The following BRD8 variants were observed in gnomAD, a reference collection of about 807,000 sequenced individuals.
The protein encoded by BRD8 is bromodomain containing 8.
BRD8 carries 67 observed loss-of-function variants against 143.1 expected under a neutral mutation model. The observed-to-expected ratio is 0.47, with a 90% CI of 0.38 to 0.57. The LOEUF (loss-of-function observed/expected upper bound fraction) is 0.57. Ranked by LOEUF, BRD8 falls within the 20% of genes least tolerant of loss-of-function variation. The pLI is 0.00. For missense variants in BRD8, 1,103 were observed against 1,503.0 expected (o/e 0.73, Z 4.40); for synonymous variants, 505 against 517.1 (o/e 0.98, Z 0.32).
chr5:138,152,867 G>C (rs551000114), intron 20 of BRD8, 107 bp from the exon 21 acceptor site: 1 of 1,088,168 alleles, frequency 9.2e-7, no homozygotes, highest in African/African-American at 1.6e-5. Flanking sequence ...AAATTTATTT[G>C]TATTCAAGTA....
chr5:138,170,750 T>C lies in BRD8; in HGVS notation c.440+82A>G, dbSNP rs996530365. 3.5e-5 allele frequency: 45 copies of C among 1,280,954 alleles called. No individual in the cohort carries two copies. In the East Asian group the frequency reaches 6.0e-4, roughly 17 times the overall value. The allele number at this position is 1,280,954 out of a possible 1,614,324, so 79.3% of individuals were successfully genotyped here. ...TGTCTCAAGTCTAAAGGGACGGCAA[T>C]TGGAGGAAATAAGCCAGATTACTTG... On this transcript the variant is annotated intron_variant, in intron 6 of 26. Coordinates refer to ENST00000254900, the MANE Select transcript of BRD8 (RefSeq NM_139199.2).
chr5:138,171,665 C>T (rs1357024387), intron 3 of BRD8, among the ~76,000 whole-genome samples: 1 of 152,148 alleles, frequency 6.6e-6, no homozygotes, highest in East Asian at 1.9e-4. Flanking sequence ...ATATTTATAG[C>T]TAATATCTAC....
intron 3 of BRD8, 65 bp from the exon 4 acceptor site, chr5:138,171,475 A>G: frequency 9.5e-7 from 1 of 1,047,936 alleles, no homozygotes; most frequent in South Asian, 1.3e-5. Flanking sequence ...GACCTTTCAA[A>G]GTTTCAAGAG....
chr5:138,166,402 CAT>C (rs1446837396), intron 10 of BRD8, 114 bp downstream of exon 10: 2 of 667,746 alleles, frequency 3.0e-6, no homozygotes, highest in Admixed American at 2.9e-5. Flanking sequence ...AAAGATGGCA[CAT>C]GTCTATGTAG....
chr5:138,174,591 C>CA (rs76909663), intron 2 of BRD8, among the ~76,000 whole-genome samples: 17,550 of 114,500 alleles, frequency 0.15, 1,271 homozygotes, highest in South Asian at 0.24. Flanking sequence ...GACTCCATCT[C>CA]AAAAAAAAAA....
intron 22 of BRD8, 145 bp downstream of exon 22, chr5:138,150,600 G>A (rs1417669239): frequency 3.3e-6 from 3 of 911,838 alleles, no homozygotes; most frequent in Admixed American, 5.1e-5. Context: ...CATGCTAAAG[G>A]TAACACAGCT....
chr5:138,157,011 A>T (rs1752645909), intron 20 of BRD8: 2 of 1,431,012 alleles, frequency 1.4e-6, no homozygotes. Context: ...TAGGACATTA[A>T]CATAGCCCAT....
chr5:138,165,786 G>A, intron 11 of BRD8, 42 bp downstream of exon 11: 1 of 1,476,100 alleles, frequency 6.8e-7, no homozygotes, highest in Non-Finnish European at 9.3e-7. Context: ...AGAAGCCTAT[G>A]TAGGACCCAT....
In BRD8 at chr5:138,166,091, A is replaced by G. The variant is rs1274189689; in HGVS notation, c.1015T>C (p.Cys339Arg). Residue 339 changes from cysteine to arginine, a missense_variant, in exon 11 of 27, where the codon TGT (cysteine) becomes CGT (arginine). This residue lies in a region of BRD8 where 334 missense variants were observed against 372.5 expected (regional missense o/e 0.90). Transcript: ENST00000254900. ...TCCCCCACAGCCTCCATGGGAACACAGTTGTCGGGTTGACTCACTGAGTAA... is the reference window on the plus strand; with the variant it reads ...TCCCCCACAGCCTCCATGGGAACACGGTTGTCGGGTTGACTCACTGAGTAA... ...SVAPVSQPDN[C>R]VPMEAVGDPH... The G allele has an allele frequency of 1.2e-6, 2 of 1,612,870 alleles. No homozygotes were observed. The highest frequency in any genetic ancestry group is 1.3e-5 in the African/African-American group (1 of 74,938).
intron 10 of BRD8, 159 bp downstream of exon 10, chr5:138,166,359 C>A: frequency 1.6e-6 from 1 of 628,658 alleles, no homozygotes; most frequent in East Asian, 2.7e-5. Flanking sequence ...CCTCTTCTCA[C>A]ATCTATTTCT....
intron 7 of BRD8, 131 bp from the exon 8 acceptor site, chr5:138,169,489 T>C: frequency 9.2e-7 from 1 of 1,091,578 alleles, no homozygotes; most frequent in Non-Finnish European, 1.3e-6. Context: ...AAGTTTGGAT[T>C]AGAAAGCTTT....
At chr5:138,149,887 T>C (rs946633064) in intron 22 of BRD8, 90 bp from the exon 23 acceptor site, 6 of 1,316,434 alleles carry the variant, frequency 4.6e-6, no homozygotes, top group Non-Finnish European at 6.2e-6. Flanking sequence ...AGGCTGCCCT[T>C]AAGGTGAGAA....
intron 19 of BRD8, 135 bp from the exon 20 acceptor site, chr5:138,159,734 G>T (rs138973025): frequency 2.4e-6 from 2 of 819,714 alleles, no homozygotes; most frequent in Non-Finnish European, 4.0e-6. Flanking sequence ...AGAGGAAAGA[G>T]ATCCAAAAGC....
At position 138,143,226 on chromosome 5, in the gene BRD8, G is replaced by A. The variant is rs182900554; in HGVS notation, c.3437+1951C>T. On this transcript the variant is annotated intron_variant, in intron 25 of 26. Coordinates refer to ENST00000254900, the MANE Select transcript of BRD8 (RefSeq NM_139199.2). Reference sequence around the variant, plus strand: ...CTTGAACCTGGGCAGTTGAGGCTCAGTTATCCAAGAAATGTGCCACTGCAC... The same window carrying A: ...CTTGAACCTGGGCAGTTGAGGCTCAATTATCCAAGAAATGTGCCACTGCAC... Among the ~76,000 whole-genome samples, 664 of 152,224 alleles carry A rather than the reference G, an allele frequency of 4.4e-3. 6 individuals carry two copies. The South Asian group carries it at 0.044, about 10-fold the overall frequency.
chr5:138,167,130 G>A (rs1212853324), intron 9 of BRD8, among the ~76,000 whole-genome samples: 2 of 146,132 alleles, frequency 1.4e-5, no homozygotes, highest in African/African-American at 5.0e-5. Flanking sequence ...TTAGCTAGGC[G>A]TGGTGGTGGG....
Position 138,145,825 on chromosome 5 carries a change from G to C in BRD8, c.3332C>G (p.Thr1111Ser), listed in dbSNP as rs1752125933. ...PVQDHLLFKKTLLPVWKMIAS... is the reference protein window; with the variant it reads ...PVQDHLLFKKSLLPVWKMIAS... ...AATCATCTTCCAGACTGGCAGGAGA[G>C]TCTTCTTAAATAGCAAATGATCCTG... is the stretch of plus-strand genomic sequence containing the variant. The change falls in exon 24 of 27, where the codon ACT (threonine) becomes AGT (serine). Residue 1111 changes from threonine to serine, a missense_variant. Transcript: ENST00000254900. The C allele has an allele frequency of 6.2e-7, 1 of 1,613,926 alleles. No homozygotes were observed. The highest frequency in any genetic ancestry group is 1.6e-4 in the Middle Eastern group (1 of 6,084).
chr5:138,173,635 A>G (rs1386353723), intron 2 of BRD8, among the ~76,000 whole-genome samples: 1 of 152,142 alleles, frequency 6.6e-6, no homozygotes, highest in Non-Finnish European at 1.5e-5. Context: ...TGGCACAATC[A>G]TGGCTTGCTG....
chr5:138,165,981 C>G lies in BRD8; in HGVS notation c.1125G>C (p.Gly375=). The change falls in exon 11 of 27, where the codon GGG becomes GGC. Residue 375 remains glycine (G), a synonymous_variant. Transcript: ENST00000254900. ...NSIKEECFRS[G]VAEAPVGSKA... ...TTGATCCAACAGGAGCCTCTGCTAC[C>G]CCTGATCGAAAACACTCTTCTTTGA... 1 of 1,614,166 alleles carries G rather than the reference C, an allele frequency of 6.2e-7. No homozygotes were observed. Among genetic ancestry groups the G allele is most frequent in the Non-Finnish European group, 8.5e-7 (1 of 1,180,038 alleles).
At chr5:138,149,939 T>C (rs1752313475) in intron 22 of BRD8, 142 bp from the exon 23 acceptor site, 1 of 776,502 alleles carries the variant, frequency 1.3e-6, no homozygotes, top group South Asian at 2.9e-5. Flanking sequence ...TAAAGAAAGC[T>C]GACTTAACTA....
Sources: allele counts gnomAD v4.1 joint callset (sites outside exome capture counted in the v4.1 genomes callset), GRCh38; gene constraint gnomAD v4.1.1; regional missense constraint gnomAD v4.1.1; transcripts MANE v1.5; gene names NCBI Gene and HGNC (gene_info 2026-07-23, HGNC 2026-07-21).